ANKRD30BL: variants seen among roughly 807,000 people sequenced by gnomAD.
ANKRD30BL encodes ankyrin repeat domain 30B like.
Under a neutral mutation model 18.4 loss-of-function variants are expected in ANKRD30BL, and 20 were observed. The observed-to-expected ratio is 1.09, with a 90% CI of 0.77 to 1.58. The LOEUF (loss-of-function observed/expected upper bound fraction) is 1.58. Ranked by LOEUF, ANKRD30BL falls within the 40% of genes most tolerant of loss-of-function variation. The pLI is 0.00. For missense variants in ANKRD30BL, 224 were observed against 268.6 expected, an observed-to-expected ratio of 0.83 and a Z score of 1.16; for synonymous variants, 72 against 100.9, an observed-to-expected ratio of 0.71 and a Z score of 1.72.
At chr2:132,248,598 GT>G (rs1355529786) in intron 1 of ANKRD30BL, among the ~76,000 whole-genome samples, 8 of 152,204 alleles carry the variant, frequency 5.3e-5, no homozygotes, top group African/African-American at 1.7e-4. Flanking sequence ...CTTCTGTCTA[GT>G]TTTTATGTGA....
intron 1 of ANKRD30BL, among the ~76,000 whole-genome samples, chr2:132,175,425 T>C (rs541394069): frequency 3.4e-4 from 52 of 152,340 alleles, no homozygotes; most frequent in South Asian, 6.2e-4. Flanking sequence ...CAACATGTCT[T>C]GCCTCCTGCC....
At chr2:132,195,735 G>C (rs1193554173) in intron 1 of ANKRD30BL, among the ~76,000 whole-genome samples, 1 of 142,768 alleles carries the variant, frequency 7.0e-6, no homozygotes, top group African/African-American at 2.6e-5. Context: ...ACTTTGTAGT[G>C]AGCCAAGATG....
At chr2:132,243,334 T>A (rs1680389483) in intron 1 of ANKRD30BL, among the ~76,000 whole-genome samples, 1 of 151,710 alleles carries the variant, frequency 6.6e-6, no homozygotes, top group South Asian at 2.1e-4. Context: ...ATTCTTCATG[T>A]AGAATCTGCA....
At chr2:132,247,001 C>A (rs1322028692) in intron 1 of ANKRD30BL, among the ~76,000 whole-genome samples, 2 of 151,660 alleles carry the variant, frequency 1.3e-5, no homozygotes, top group Non-Finnish European at 2.9e-5. Context: ...TAGACAGAAG[C>A]ATTCTCAGAA....
rs558830724 is a variant in ANKRD30BL at position 132,246,296 on chromosome 2, T to C, written n.441+11233A>G. Among the ~76,000 whole-genome samples the C allele has an allele frequency of 4.6e-5, 7 of 152,044 alleles. No homozygotes were observed. The South Asian group carries it at 1.5e-3, about 32-fold the overall frequency. On this transcript the variant is annotated intron_variant and non_coding_transcript_variant, in intron 1 of 4. Transcript: ENST00000470729. ...GAGGTGTACGGTGAAAAAGGAAATA[T>C]CTTCCCATAAAAACTAGACAGAAGA...
At chr2:132,215,179 A>T (rs1233857556) in intron 1 of ANKRD30BL, among the ~76,000 whole-genome samples, 2 of 152,266 alleles carry the variant, frequency 1.3e-5, no homozygotes, top group South Asian at 2.1e-4. Context: ...AAAAGGAAAC[A>T]TCTTCACATA....
intron 1 of ANKRD30BL, among the ~76,000 whole-genome samples, chr2:132,242,084 A>G (rs1230991922): frequency 6.6e-6 from 1 of 151,698 alleles, no homozygotes; most frequent in African/African-American, 2.4e-5. Context: ...TGTGTACTCA[A>G]TTCACAGAGT....
chr2:132,224,414 T>C (rs1679785624), intron 1 of ANKRD30BL, among the ~76,000 whole-genome samples: 4 of 152,124 alleles, frequency 2.6e-5, no homozygotes. Context: ...ACACTCTTTG[T>C]AGAATCTGCA....
intron 1 of ANKRD30BL, among the ~76,000 whole-genome samples, chr2:132,184,235 G>A (rs1370654309): frequency 1.3e-5 from 2 of 152,024 alleles, no homozygotes; most frequent in African/African-American, 4.8e-5. Context: ...ACCATGCCTG[G>A]CTAATTTTTT....
At chr2:132,175,862 G>A (rs1688359277) in intron 1 of ANKRD30BL, among the ~76,000 whole-genome samples, 3 of 152,238 alleles carry the variant, frequency 2.0e-5, no homozygotes, top group Middle Eastern at 3.4e-3. Flanking sequence ...TACAACACAT[G>A]TTTTTGTGAT....
At chr2:132,167,279 T>TAATTTAATTTAATTTA (rs1470298340) in intron 1 of ANKRD30BL, among the ~76,000 whole-genome samples, 1 of 10,712 alleles carries the variant, frequency 9.3e-5, no homozygotes, top group African/African-American at 3.2e-4. Context: ...CATTTATTTT[T>TAATTTAATTTAATTTA]ATTTTATTTT....
At chr2:132,253,826 G>C (rs1573900046) in intron 1 of ANKRD30BL, among the ~76,000 whole-genome samples, 1 of 152,148 alleles carries the variant, frequency 6.6e-6, no homozygotes, top group African/African-American at 2.4e-5. Context: ...CCGGCATCCG[G>C]CCCCCTACCC....
At chr2:132,195,582 G>A (rs1678946131) in intron 1 of ANKRD30BL, among the ~76,000 whole-genome samples, 1 of 151,552 alleles carries the variant, frequency 6.6e-6, no homozygotes, top group Non-Finnish European at 1.5e-5. Context: ...TCTGAGGTCG[G>A]GAGTTCAAGA....
At chr2:132,231,050 G>A (rs1679995960) in intron 1 of ANKRD30BL, among the ~76,000 whole-genome samples, 1 of 151,788 alleles carries the variant, frequency 6.6e-6, no homozygotes, top group Non-Finnish European at 1.5e-5. Context: ...TTCAAGTAAG[G>A]GAGTTGAACC....
chr2:132,196,282 C>T (rs1237931741), intron 1 of ANKRD30BL, among the ~76,000 whole-genome samples: 1 of 151,892 alleles, frequency 6.6e-6, no homozygotes, highest in Non-Finnish European at 1.5e-5. Flanking sequence ...ACTTCTAGAC[C>T]AACCTGGCCA....
At position 132,240,845 on chromosome 2, in the gene ANKRD30BL, T is replaced by A. The variant is rs577121418; in HGVS notation, n.441+16684A>T. Among the ~76,000 whole-genome samples, 15 of 150,732 alleles carry A rather than the reference T, an allele frequency of 1.0e-4. No individual in the cohort carries two copies. In the South Asian group the frequency reaches 3.1e-3, roughly 31 times the overall value. On this transcript the variant is annotated intron_variant and non_coding_transcript_variant, in intron 1 of 4. Transcript: ENST00000470729. The stretch of plus-strand genomic sequence containing the variant: ...AAAAAGAAACACCTTCTCATAAAAA[T>A]TAGACAGAAGCATTCTCAGAAACTT...
chr2:132,159,592 T>TG (rs752038824), intron 1 of ANKRD30BL, among the ~76,000 whole-genome samples: 44 of 152,196 alleles, frequency 2.9e-4, no homozygotes, highest in Non-Finnish European at 5.7e-4. Context: ...TAACTTAAAT[T>TG]GCTCAATTAT....
At chr2:132,224,226 G>A (rs989011432) in intron 1 of ANKRD30BL, among the ~76,000 whole-genome samples, 4 of 151,730 alleles carry the variant, frequency 2.6e-5, no homozygotes, top group Non-Finnish European at 4.4e-5. Context: ...TGATAGAGCA[G>A]GATTGAAATA....
intron 1 of ANKRD30BL, among the ~76,000 whole-genome samples, chr2:132,251,817 A>T (rs1260648091): frequency 6.6e-6 from 1 of 152,204 alleles, no homozygotes; most frequent in Non-Finnish European, 1.5e-5. Flanking sequence ...TCCATCACCT[A>T]AAAGTAACTT....
Sources: allele counts gnomAD v4.1 joint callset (sites outside exome capture counted in the v4.1 genomes callset), GRCh38; gene constraint gnomAD v4.1.1; transcripts MANE v1.5; gene names NCBI Gene and HGNC (gene_info 2026-07-23, HGNC 2026-07-21).